Variants in SLC26A4 observed in about 807,000 individuals in gnomAD.
SLC26A4 encodes the protein pendrin.
A neutral mutation model predicts 90.4 loss-of-function variants in SLC26A4; 93 were observed. That is an observed-to-expected ratio of 1.03 (90% CI 0.87 to 1.22). The LOEUF is 1.22. Ranked by LOEUF, SLC26A4 falls within the 50% of genes most tolerant of loss-of-function variation. The probability of loss-of-function intolerance (pLI) is 0.00; values close to 1 mark genes in which losing one functional copy is unlikely to be tolerated. For synonymous variants in SLC26A4, 393 were observed against 354.6 expected (o/e 1.11, Z -1.22); for missense variants, 1,127 against 946.2 (o/e 1.19, Z -2.51).
At chr7:107,685,735 T>C (rs1197351165) in intron 8 of SLC26A4, among the ~76,000 whole-genome samples, 1 of 152,218 alleles carries the variant, frequency 6.6e-6, no homozygotes, top group Admixed American at 6.5e-5. Flanking sequence ...CAGCAGACAC[T>C]ATGAGGGCCA....
rs373917930 is a variant in SLC26A4 at position 107,715,394 on chromosome 7, A to C, written c.2320-29A>C. 12 of 1,603,212 alleles carry C rather than the reference A, an allele frequency of 7.5e-6. No homozygotes were observed. The African/African-American group carries it at 1.6e-4, about 21-fold the overall frequency. ...GACTTAAGGAGAATTCAGTTGTATCAACACTTTGTTTTCCCCTTGCTTCCA... is the reference window on the plus strand; with the variant it reads ...GACTTAAGGAGAATTCAGTTGTATCCACACTTTGTTTTCCCCTTGCTTCCA... On this transcript the variant is annotated intron_variant, in intron 20 of 20. Coordinates refer to ENST00000644269, the MANE Select transcript of SLC26A4 (RefSeq NM_000441.2).
chr7:107,664,053 A>C (rs1790646217), intron 3 of SLC26A4, among the ~76,000 whole-genome samples: 1 of 152,232 alleles, frequency 6.6e-6, no homozygotes, highest in Non-Finnish European at 1.5e-5. Flanking sequence ...GATTTAAAAA[A>C]AAAAAAGAAA....
chr7:107,682,330 T>TA (rs1290523391), intron 6 of SLC26A4, among the ~76,000 whole-genome samples: 8 of 151,702 alleles, frequency 5.3e-5, no homozygotes, highest in African/African-American at 1.9e-4. Flanking sequence ...AAGTATAATT[T>TA]AAAAACAAAA....
chr7:107,712,326 C>A (rs956658488), intron 19 of SLC26A4, among the ~76,000 whole-genome samples: 5 of 152,098 alleles, frequency 3.3e-5, no homozygotes, highest in African/African-American at 1.2e-4. Context: ...GGAGTTTACA[C>A]AATGGAGAAC....
chr7:107,662,692 A>C (rs1273948637), intron 2 of SLC26A4, among the ~76,000 whole-genome samples: 1 of 152,236 alleles, frequency 6.6e-6, no homozygotes, highest in African/African-American at 2.4e-5. Flanking sequence ...AAATTGAGTC[A>C]TTATTAAAAT....
At chr7:107,691,133 ACACACACACATG>A (rs1264759298) in intron 10 of SLC26A4, among the ~76,000 whole-genome samples, 1 of 151,534 alleles carries the variant, frequency 6.6e-6, no homozygotes, top group Non-Finnish European at 1.5e-5. Context: ...ACACACACAC[ACACACACACATG>A]CACACACACA....
In SLC26A4 at chr7:107,712,642, A is replaced by C. The variant is rs1792224131; in HGVS notation, c.2319+20A>C. On this transcript the variant is annotated intron_variant, in intron 20 of 20. Transcript: ENST00000644269. ...GATGAGGTATGATCATTTTCTTCTG[A>C]AGAAAATATTTGAATTACATTTTGA... 2 of 1,280,284 alleles carry C rather than the reference A, an allele frequency of 1.6e-6. No individual in the cohort carries two copies. The highest frequency in any genetic ancestry group is 2.3e-6 in the Non-Finnish European group (2 of 875,710). The allele number at this position is 1,280,284 out of a possible 1,614,324, so 79.3% of individuals were successfully genotyped here.
At chr7:107,668,721 T>C (rs763301100) in intron 3 of SLC26A4, among the ~76,000 whole-genome samples, 1 of 152,214 alleles carries the variant, frequency 6.6e-6, no homozygotes, top group Non-Finnish European at 1.5e-5. Flanking sequence ...ATGTATTTGT[T>C]TGTTTAAACA....
chr7:107,679,379 A>C (rs1294997763), intron 6 of SLC26A4, among the ~76,000 whole-genome samples: 1 of 152,178 alleles, frequency 6.6e-6, no homozygotes, highest in African/African-American at 2.4e-5. Flanking sequence ...TATACACAAA[A>C]GATATGGAAG....
intron 12 of SLC26A4, among the ~76,000 whole-genome samples, chr7:107,695,685 T>TG (rs1463620989): frequency 3.3e-5 from 5 of 151,992 alleles, no homozygotes; most frequent in Non-Finnish European, 5.9e-5. Context: ...GGTATGTACT[T>TG]GTGGGTAGTC....
intron 3 of SLC26A4, among the ~76,000 whole-genome samples, chr7:107,671,018 G>C (rs1489544326): frequency 2.0e-5 from 3 of 151,924 alleles, no homozygotes; most frequent in Non-Finnish European, 4.4e-5. Context: ...TTTTTCTTTG[G>C]GTCTAACTTT....
At chr7:107,688,964 T>C (rs749267633) in intron 8 of SLC26A4, 89 bp from the exon 9 acceptor site, 13 of 1,342,394 alleles carry the variant, frequency 9.7e-6, no homozygotes, top group Non-Finnish European at 1.4e-5. Context: ...ATGTCTAATA[T>C]GTGACTGAGC....
At chr7:107,668,022 C>G (rs943579395) in intron 3 of SLC26A4, among the ~76,000 whole-genome samples, 5 of 151,926 alleles carry the variant, frequency 3.3e-5, no homozygotes, top group African/African-American at 1.2e-4. Context: ...AAAGGCACAC[C>G]CCCTGAGGAA....
At chr7:107,677,638 C>A (rs1379722280) in intron 6 of SLC26A4, among the ~76,000 whole-genome samples, 1 of 150,078 alleles carries the variant, frequency 6.7e-6, no homozygotes, top group Non-Finnish European at 1.5e-5. Context: ...CAGGGTCTTG[C>A]CCCATTGCCT....
chr7:107,705,542 G>A (rs1016630005), intron 18 of SLC26A4, among the ~76,000 whole-genome samples: 5 of 152,194 alleles, frequency 3.3e-5, no homozygotes, highest in Non-Finnish European at 7.3e-5. Flanking sequence ...AGTCTTCTCT[G>A]TAGTACCTGA....
intron 3 of SLC26A4, 27 bp downstream of exon 3, chr7:107,663,462 T>C: frequency 6.2e-7 from 1 of 1,613,546 alleles, no homozygotes; most frequent in Non-Finnish European, 8.5e-7. Flanking sequence ...TTGAGAGTTC[T>C]GGTCTCCAGC....
intron 8 of SLC26A4, among the ~76,000 whole-genome samples, chr7:107,686,680 A>G (rs779552482): frequency 7.9e-5 from 12 of 151,922 alleles, no homozygotes; most frequent in Non-Finnish European, 1.6e-4. Context: ...GGGTTTCACC[A>G]TGTTGGCCAG....
At chr7:107,688,977 A>T in intron 8 of SLC26A4, 76 bp from the exon 9 acceptor site, 1 of 1,454,808 alleles carries the variant, frequency 6.9e-7, no homozygotes, top group Non-Finnish European at 9.6e-7. Context: ...GACTGAGCAG[A>T]TATAGCATTT....
intron 3 of SLC26A4, 144 bp downstream of exon 3, chr7:107,663,579 T>A: frequency 1.1e-6 from 1 of 890,688 alleles, no homozygotes; most frequent in Non-Finnish European, 1.8e-6. Context: ...GAGAGTCACC[T>A]CTCTTCTCCC....
Sources: allele counts gnomAD v4.1 joint callset (sites outside exome capture counted in the v4.1 genomes callset), GRCh38; gene constraint gnomAD v4.1.1; transcripts MANE v1.5; gene names NCBI Gene and HGNC (gene_info 2026-07-23, HGNC 2026-07-21).